Variants in SLC9A9 observed in about 807,000 individuals in gnomAD.
SLC9A9 encodes the protein sodium/hydrogen exchanger 9.
In SLC9A9, 62 loss-of-function variants were observed where a neutral mutation model predicts 77.8. The observed-to-expected ratio is 0.80, with a 90% confidence interval of 0.65 to 0.98. SLC9A9 has a LOEUF of 0.98. Ranked by LOEUF, SLC9A9 falls within the 50% of genes least tolerant of loss-of-function variation. The pLI is 0.00. For missense variants in SLC9A9, 775 were observed against 774.9 expected, an observed-to-expected ratio of 1.00 and a Z score of 0.00; for synonymous variants, 320 against 283.5, an observed-to-expected ratio of 1.13 and a Z score of -1.29.
chr3:143,619,584 G>T (rs1455418252), intron 6 of SLC9A9, among the ~76,000 whole-genome samples: 1 of 152,076 alleles, frequency 6.6e-6, no homozygotes, highest in Non-Finnish European at 1.5e-5. Context: ...TTCATCTCAT[G>T]GTGTCATGCT....
In SLC9A9 at chr3:143,448,977, TATAAAAATAATTATA is replaced by T. The variant is rs1374935258; in HGVS notation, c.1469+18045_1469+18059del. Among the ~76,000 whole-genome samples, 12 of 17,560 alleles carry T rather than the reference TATAAAAATAATTATA, an allele frequency of 6.8e-4. 1 individual carries two copies. In the African/African-American group the frequency reaches 0.012, roughly 17 times the overall value. 11.5% of individuals were successfully genotyped at this position (17,560 alleles called of 152,430 possible). A position where few individuals can be genotyped will look rare whatever the true frequency, so the allele number is the denominator to read the frequency against. Reference sequence around the variant, plus strand: ...TAATATAATTATATAAATATAATTATATAAAAATAATTATAATTATATAATTATATAAAATATAAT... The same window carrying T: ...TAATATAATTATATAAATATAATTATATTATATAATTATATAAAATATAAT... On this transcript the variant is annotated intron_variant, in intron 12 of 15. Transcript: ENST00000316549.
intron 11 of SLC9A9, among the ~76,000 whole-genome samples, chr3:143,479,078 C>T (rs1004085791): frequency 1.3e-5 from 2 of 152,170 alleles, no homozygotes; most frequent in African/African-American, 2.4e-5. Flanking sequence ...CTGTTGTCTG[C>T]ACCACCTCAA....
At chr3:143,638,054 A>C (rs538100577) in intron 6 of SLC9A9, among the ~76,000 whole-genome samples, 3 of 152,334 alleles carry the variant, frequency 2.0e-5, no homozygotes, top group African/African-American at 7.2e-5. Flanking sequence ...AATATCTGAA[A>C]ATTTAAATAG....
At chr3:143,419,702 C>A (rs369398076) in intron 12 of SLC9A9, among the ~76,000 whole-genome samples, 67 of 152,176 alleles carry the variant, frequency 4.4e-4, no homozygotes, top group African/African-American at 1.6e-3. Flanking sequence ...CACAGTCTAG[C>A]GGGGGATCCA....
At chr3:143,496,383 T>C (rs1054231490) in intron 9 of SLC9A9, among the ~76,000 whole-genome samples, 4 of 152,222 alleles carry the variant, frequency 2.6e-5, no homozygotes, top group African/African-American at 9.6e-5. Flanking sequence ...TAAATCACCA[T>C]GTTAGGTAAA....
chr3:143,341,492 T>C (rs571754953), intron 14 of SLC9A9, among the ~76,000 whole-genome samples: 3 of 152,318 alleles, frequency 2.0e-5, no homozygotes, highest in Admixed American at 6.5e-5. Flanking sequence ...ATAATCATTA[T>C]TGGGTATCTG....
rs186450390 is a variant in SLC9A9, at chr3:143,381,959, T to C, written c.1524+101A>G. ...GTTTTATCAGCAGAGGAAGCTCCGT[T>C]TAGAAATAGCTCCTTGGTCACATGC... On this transcript the variant is annotated intron_variant, in intron 13 of 15. Transcript: ENST00000316549. 7.3e-3 allele frequency: 10,115 copies of C among 1,380,832 alleles called. 52 individuals are homozygous for C. Among genetic ancestry groups the C allele is most frequent in the Non-Finnish European group, 9.0e-3 (8,741 of 968,788 alleles). The allele number at this position is 1,380,832 out of a possible 1,614,324, so 85.5% of individuals were successfully genotyped here.
At chr3:143,834,616 C>G in intron 1 of SLC9A9, among the ~76,000 whole-genome samples, 1 of 89,500 alleles carries the variant, frequency 1.1e-5, no homozygotes, top group Non-Finnish European at 2.2e-5. Context: ...AATGAAACAA[C>G]AAGAAATAAA....
intron 14 of SLC9A9, among the ~76,000 whole-genome samples, chr3:143,357,073 G>A (rs944704118): frequency 1.3e-5 from 2 of 152,152 alleles, no homozygotes; most frequent in Admixed American, 6.5e-5. Context: ...ATTTATGTGC[G>A]GATGCCATTA....
At chr3:143,350,860 T>C (rs1425649004) in intron 14 of SLC9A9, among the ~76,000 whole-genome samples, 1 of 152,214 alleles carries the variant, frequency 6.6e-6, no homozygotes, top group Non-Finnish European at 1.5e-5. Flanking sequence ...ATCTGGCCTT[T>C]ACTCCAGCTC....
chr3:143,371,182 A>C (rs2033050292), intron 13 of SLC9A9, among the ~76,000 whole-genome samples: 1 of 152,196 alleles, frequency 6.6e-6, no homozygotes, highest in Non-Finnish European at 1.5e-5. Context: ...CTCTTGTGAA[A>C]TTGAGAAATA....
rs143620788 is a variant in SLC9A9 at position 143,785,651 on chromosome 3, C to T, written c.533+9350G>A. Among the ~76,000 whole-genome samples the T allele has an allele frequency of 3.4e-3, 517 of 152,080 alleles. 1 individual carries two copies. The highest frequency in any genetic ancestry group is 0.011 in the African/African-American group (463 of 41,474). On this transcript the variant is annotated intron_variant, in intron 4 of 15. Transcript: ENST00000316549. The stretch of plus-strand genomic sequence containing the variant: ...TAGAAATAGGTAACTGATATACTCC[C>T]CTGATTTTTTTTTACCTCTTATCTG...
intron 6 of SLC9A9, among the ~76,000 whole-genome samples, chr3:143,592,074 T>A (rs1029870628): frequency 3.3e-5 from 5 of 152,202 alleles, no homozygotes; most frequent in African/African-American, 7.2e-5. Flanking sequence ...CTCTATGTGG[T>A]CCATGACCCC....
At chr3:143,533,265 C>T (rs1240830280) in intron 9 of SLC9A9, among the ~76,000 whole-genome samples, 1 of 152,190 alleles carries the variant, frequency 6.6e-6, no homozygotes, top group African/African-American at 2.4e-5. Context: ...CCAGGACATA[C>T]CACAAATACA....
At chr3:143,603,176 C>T (rs1052367990) in intron 6 of SLC9A9, among the ~76,000 whole-genome samples, 5 of 152,200 alleles carry the variant, frequency 3.3e-5, no homozygotes, top group African/African-American at 9.7e-5. Context: ...TATTGACTTT[C>T]ACCCATAGAA....
At chr3:143,831,676 C>T (rs921932238) in intron 2 of SLC9A9, among the ~76,000 whole-genome samples, 5 of 152,180 alleles carry the variant, frequency 3.3e-5, no homozygotes, top group South Asian at 2.1e-4. Flanking sequence ...TTATATACAA[C>T]GGTGCTGAAA....
chr3:143,391,364 A>T (rs1483684494), intron 12 of SLC9A9, among the ~76,000 whole-genome samples: 1 of 152,196 alleles, frequency 6.6e-6, no homozygotes, highest in Non-Finnish European at 1.5e-5. Context: ...CCTCCAGCAA[A>T]CTCCAACAGA....
At chr3:143,678,831 A>C (rs965509007) in intron 5 of SLC9A9, among the ~76,000 whole-genome samples, 1 of 152,190 alleles carries the variant, frequency 6.6e-6, no homozygotes, top group African/African-American at 2.4e-5. Flanking sequence ...GAATTGGAGG[A>C]AAGTAGAATT....
At chr3:143,346,237 A>G (rs932452715) in intron 14 of SLC9A9, among the ~76,000 whole-genome samples, 2 of 152,326 alleles carry the variant, frequency 1.3e-5, no homozygotes, top group African/African-American at 4.8e-5. Flanking sequence ...TGGCTAAAAG[A>G]AGATTATTCT....
Sources: gnomAD v4.1 joint callset for allele counts (sites outside exome capture counted in the v4.1 genomes callset) on GRCh38, gnomAD v4.1.1 for gene constraint, MANE v1.5 for transcripts, NCBI Gene and HGNC (gene_info 2026-07-23, HGNC 2026-07-21) for gene names.